FBXL7: variants seen among roughly 807,000 people sequenced by gnomAD.
FBXL7 encodes F-box and leucine rich repeat protein 7, also known as F-box/LRR-repeat protein 7.
FBXL7 carries 12 observed loss-of-function variants against 38.3 expected under a neutral mutation model. The ratio of observed to expected loss-of-function variants is 0.31; its 90% CI spans 0.20 to 0.51. FBXL7 has a LOEUF of 0.51. Among genes scored for constraint, FBXL7 ranks in the 20% least tolerant of loss-of-function variants. The probability of loss-of-function intolerance (pLI) is 0.98; values close to 1 mark genes in which losing one functional copy is unlikely to be tolerated. For missense variants in FBXL7, 567 were observed against 676.4 expected (o/e 0.84, Z 1.79); for synonymous variants, 297 against 300.9 (o/e 0.99, Z 0.13).
chr5:15,722,618 C>G (rs1744229856), intron 2 of FBXL7, among the ~76,000 whole-genome samples: 1 of 152,088 alleles, frequency 6.6e-6, no homozygotes, highest in Non-Finnish European at 1.5e-5. Flanking sequence ...AATGTTCATA[C>G]CAGCATTTGT....
chr5:15,939,196 G>A lies in FBXL7; in HGVS notation c.*2010G>A. ...GTAATCAAGGCTCTGTGCCATGGGG[G>A]AAATGAATCATTTAGCTAGGCCAGG... On this transcript the variant is annotated 3_prime_UTR_variant, in exon 4 of 4. Coordinates refer to ENST00000504595, the MANE Select transcript of FBXL7 (RefSeq NM_012304.5). 5.0e-6 allele frequency: 2 copies of A among 396,856 alleles called. No individual in the cohort carries two copies. The highest frequency in any genetic ancestry group is 8.9e-6 in the Non-Finnish European group (2 of 225,168). The allele number at this position is 396,856 out of a possible 1,614,324, so 24.6% of individuals were successfully genotyped here.
At chr5:15,568,880 G>C (rs1234983056) in intron 1 of FBXL7, among the ~76,000 whole-genome samples, 1 of 152,078 alleles carries the variant, frequency 6.6e-6, no homozygotes, top group Non-Finnish European at 1.5e-5. Context: ...TCTCAGGTTT[G>C]TCAAAGATCA....
intron 1 of FBXL7, among the ~76,000 whole-genome samples, chr5:15,607,720 C>G (rs1740077873): frequency 6.6e-6 from 1 of 152,144 alleles, no homozygotes; most frequent in Admixed American, 6.6e-5. Context: ...ATAGTGTGTC[C>G]CATTTGACCA....
intron 2 of FBXL7, among the ~76,000 whole-genome samples, chr5:15,641,940 CTT>C (rs1561065454): frequency 1.0e-5 from 1 of 99,946 alleles, no homozygotes; most frequent in African/African-American, 4.3e-5. Context: ...AACATAAAAC[CTT>C]GTGTGTGTGT....
intron 1 of FBXL7, among the ~76,000 whole-genome samples, chr5:15,516,644 G>C (rs1367827467): frequency 2.0e-5 from 3 of 151,958 alleles, no homozygotes; most frequent in Non-Finnish European, 4.4e-5. Flanking sequence ...GAGGGACTTC[G>C]TGGGAGGTAA....
At chr5:15,620,669 C>G (rs1740608394) in intron 2 of FBXL7, among the ~76,000 whole-genome samples, 1 of 152,146 alleles carries the variant, frequency 6.6e-6, no homozygotes, top group Non-Finnish European at 1.5e-5. Context: ...CCCCAAAACT[C>G]TCCTCAGATG....
At chr5:15,697,787 G>A (rs1214427814) in intron 2 of FBXL7, among the ~76,000 whole-genome samples, 6 of 152,142 alleles carry the variant, frequency 3.9e-5, no homozygotes, top group Admixed American at 2.0e-4. Flanking sequence ...CCCTGACTCT[G>A]GTTAAACTTG....
chr5:15,914,509 A>G (rs1397108334), intron 2 of FBXL7, among the ~76,000 whole-genome samples: 1 of 152,042 alleles, frequency 6.6e-6, no homozygotes, highest in Non-Finnish European at 1.5e-5. Context: ...GCTGCATGAG[A>G]TTGTTTTTGG....
intron 2 of FBXL7, among the ~76,000 whole-genome samples, chr5:15,865,643 G>A (rs1036558131): frequency 1.3e-5 from 2 of 150,848 alleles, no homozygotes; most frequent in Non-Finnish European, 3.0e-5. Context: ...TTGGTCTCTG[G>A]GTCTCTCTCT....
chr5:15,810,281 G>A (rs1377218524), intron 2 of FBXL7, among the ~76,000 whole-genome samples: 1 of 151,832 alleles, frequency 6.6e-6, no homozygotes, highest in Non-Finnish European at 1.5e-5. Flanking sequence ...AAGTATATGA[G>A]CGGGCACAGT....
chr5:15,553,526 G>T (rs1281944512), intron 1 of FBXL7, among the ~76,000 whole-genome samples: 1 of 152,130 alleles, frequency 6.6e-6, no homozygotes, highest in African/African-American at 2.4e-5. Context: ...GATACTATCG[G>T]GAATTTCTAA....
chr5:15,894,981 T>G (rs764481106), intron 2 of FBXL7, among the ~76,000 whole-genome samples: 9 of 152,222 alleles, frequency 5.9e-5, no homozygotes, highest in Non-Finnish European at 4.4e-5. Flanking sequence ...GAATTTGGGT[T>G]TCATTGTGTG....
intron 2 of FBXL7, among the ~76,000 whole-genome samples, chr5:15,898,597 G>C (rs531721135): frequency 6.6e-6 from 1 of 152,224 alleles, no homozygotes; most frequent in Non-Finnish European, 1.5e-5. Context: ...GCATAGAAAT[G>C]TGAAAAGTGC....
chr5:15,897,146 G>A (rs747782355), intron 2 of FBXL7, among the ~76,000 whole-genome samples: 8 of 152,002 alleles, frequency 5.3e-5, no homozygotes, highest in Non-Finnish European at 8.8e-5. Flanking sequence ...CTATATATAC[G>A]TATATATTTT....
intron 2 of FBXL7, among the ~76,000 whole-genome samples, chr5:15,822,927 A>G (rs1335995869): frequency 6.6e-6 from 1 of 152,128 alleles, no homozygotes; most frequent in African/African-American, 2.4e-5. Flanking sequence ...GGGCCTGAGA[A>G]TCTGCATTTC....
chr5:15,862,143 C>T (rs1393386019), intron 2 of FBXL7, among the ~76,000 whole-genome samples: 1 of 152,110 alleles, frequency 6.6e-6, no homozygotes, highest in Non-Finnish European at 1.5e-5. Flanking sequence ...CCATAATTCT[C>T]TCATGTTGTG....
At chr5:15,892,664 GCAGGAATT>G (rs1388883431) in intron 2 of FBXL7, among the ~76,000 whole-genome samples, 2 of 152,150 alleles carry the variant, frequency 1.3e-5, no homozygotes, top group Admixed American at 6.5e-5. Flanking sequence ...TATGTGCAAG[GCAGGAATT>G]CAGACAGTTC....
At chr5:15,694,725 C>T (rs1056298881) in intron 2 of FBXL7, among the ~76,000 whole-genome samples, 13 of 152,004 alleles carry the variant, frequency 8.6e-5, no homozygotes, top group African/African-American at 3.1e-4. Context: ...CCTATTCATA[C>T]GTGCTTCAGC....
At chr5:15,700,802 ACTTT>A (rs1743496565) in intron 2 of FBXL7, among the ~76,000 whole-genome samples, 1 of 151,874 alleles carries the variant, frequency 6.6e-6, no homozygotes, top group Non-Finnish European at 1.5e-5. Context: ...TTCCAATGGG[ACTTT>A]CTTTTTTTCT....
Sources: gnomAD v4.1 joint callset for allele counts (sites outside exome capture counted in the v4.1 genomes callset) on GRCh38, gnomAD v4.1.1 for gene constraint, MANE v1.5 for transcripts, NCBI Gene and HGNC (gene_info 2026-07-23, HGNC 2026-07-21) for gene names.